MARCHF10: variants seen among roughly 807,000 people sequenced by gnomAD.
MARCHF10 encodes the protein probable E3 ubiquitin-protein ligase MARCHF10.
A neutral mutation model predicts 76.2 loss-of-function variants in MARCHF10; 64 were observed. That is an observed-to-expected ratio of 0.84 (90% CI 0.69 to 1.03). MARCHF10 has a LOEUF of 1.03. Among genes scored for constraint, MARCHF10 ranks in the 50% least tolerant of loss-of-function variants. MARCHF10 has a pLI of 0.00. For missense variants in MARCHF10, 875 were observed against 958.0 expected (o/e 0.91, Z 1.14); for synonymous variants, 340 against 357.5 (o/e 0.95, Z 0.55).
At position 62,735,966 on chromosome 17, in the gene MARCHF10, C is replaced by T. The variant is rs749649949; in HGVS notation, c.1902G>A (p.Lys634=). 1.9e-6 allele frequency: 3 copies of T among 1,612,788 alleles called. No individual in the cohort carries two copies. Among genetic ancestry groups the T allele is most frequent in the South Asian group, 2.2e-5 (2 of 90,536 alleles). The change falls in exon 6 of 11, where the codon AAG becomes AAA. Residue 634 remains lysine, a synonymous_variant. Transcript: ENST00000311269. ...ATTTCTTGAGTTTCTCAGGGTCTGCCTTTATCTTACTGGTTTCCTTTTCAT... is the reference window on the plus strand; with the variant it reads ...ATTTCTTGAGTTTCTCAGGGTCTGCTTTTATCTTACTGGTTTCCTTTTCAT... The part of the protein sequence containing the change: ...FTDEKETSKI[K]ADPEKLKKLQ...
intron 1 of MARCHF10, among the ~76,000 whole-genome samples, chr17:62,802,307 C>T (rs1007122488): frequency 6.6e-6 from 1 of 152,126 alleles, no homozygotes; most frequent in Non-Finnish European, 1.5e-5. Context: ...GCAACCTCCG[C>T]CTCCCGGGTT....
chr17:62,701,736 A>C lies in MARCHF10; in HGVS notation c.2394T>G (p.Asn798Lys). Residue 798 changes from asparagine to lysine, a missense_variant, in exon 11 of 11, where the codon AAT (asparagine) becomes AAG (lysine). Transcript: ENST00000311269. ...CCTGGCTTTGAGAAATGCTGCCTTC[A>C]TTTCCATCTCCCAACTCCGAATCTG... is the stretch of plus-strand genomic sequence containing the variant. The part of the protein sequence containing the change: ...ENENSELGDG[N>K]EGSISQSQVV 1 of 1,614,144 alleles carries C rather than the reference A, an allele frequency of 6.2e-7. No homozygotes were observed. The highest frequency in any genetic ancestry group is 2.2e-5 in the East Asian group (1 of 44,884).
Position 62,705,375 on chromosome 17 carries a change from C to T in MARCHF10, c.2371+164G>A, listed in dbSNP as rs1314977035. On this transcript the variant is annotated intron_variant, in intron 10 of 10. Coordinates refer to ENST00000311269, the MANE Select transcript of MARCHF10 (RefSeq NM_152598.4). ...CATCCAGTGAACTTGGCCTCGCCTT[C>T]CTGATTGTTTGCTGCGGCTGACTTT... 5 of 1,531,616 alleles carry T rather than the reference C, an allele frequency of 3.3e-6. No individual in the cohort carries two copies. In the African/African-American group the frequency reaches 5.6e-5, roughly 17 times the overall value. The allele number at this position is 1,531,616 out of a possible 1,614,324, so 94.9% of individuals were successfully genotyped here.
At chr17:62,742,036 TG>T (rs2091533120) in intron 5 of MARCHF10, among the ~76,000 whole-genome samples, 1 of 149,816 alleles carries the variant, frequency 6.7e-6, no homozygotes, top group Admixed American at 6.7e-5. Context: ...TTTTTTTTTT[TG>T]AGATGGAGTC....
At chr17:62,749,799 G>C (rs536833069) in intron 4 of MARCHF10, among the ~76,000 whole-genome samples, 17 of 152,210 alleles carry the variant, frequency 1.1e-4, no homozygotes, top group Non-Finnish European at 4.4e-5. Context: ...ATGGGTTTTG[G>C]TTCCAGTGTG....
In MARCHF10 at chr17:62,774,837, C is replaced by T. The variant is rs1393280385; in HGVS notation, c.210+13643G>A. 1.3e-4 allele frequency among the ~76,000 whole-genome samples: 20 copies of T among 151,990 alleles called. No homozygotes were observed. The East Asian group carries it at 1.4e-3, about 10-fold the overall frequency. On this transcript the variant is annotated intron_variant, in intron 3 of 10. Transcript: ENST00000311269. ...TTGGGAGGCTGAGGTGAGTGGATCA[C>T]GAGGTCAGGAGTTCGAGACCAGCCT...
At chr17:62,796,924 T>C (rs1435405364) in intron 2 of MARCHF10, among the ~76,000 whole-genome samples, 1 of 151,842 alleles carries the variant, frequency 6.6e-6, no homozygotes, top group Non-Finnish European at 1.5e-5. Flanking sequence ...GGCTGAGAGG[T>C]TGAGGCTGCA....
At chr17:62,804,999 A>G (rs1398210998) in intron 1 of MARCHF10, 2 of 152,182 alleles carry the variant, frequency 1.3e-5, no homozygotes, top group Non-Finnish European at 2.9e-5. Flanking sequence ...ATGGTGACCC[A>G]GCGTCTGGTC....
rs1469747333 is a variant in MARCHF10, at chr17:62,801,660, C to T, written c.76G>A (p.Asp26Asn). The change falls in exon 2 of 11, where the codon GAC becomes AAC. Residue 26 changes from aspartate (D) to asparagine (N), a missense_variant. Transcript: ENST00000311269. ...TCTGCAATTACCTGATACTCAGAGT[C>T]CACCTTATGCTGCATGTCCCGCAGA... The part of the protein sequence containing the change: ...QYLRDMQHKV[D>N]SEYQACLRRQ... 1.8e-5 allele frequency: 29 copies of T among 1,613,884 alleles called. No individual in the cohort carries two copies. The highest frequency in any genetic ancestry group is 2.2e-5 in the Non-Finnish European group (26 of 1,179,944).
chr17:62,791,889 C>CA (rs1160027355), intron 2 of MARCHF10, among the ~76,000 whole-genome samples: 3 of 152,088 alleles, frequency 2.0e-5, no homozygotes, highest in Non-Finnish European at 4.4e-5. Context: ...ATCCATGGGT[C>CA]AGGAGAGGAA....
chr17:62,751,489 A>C (rs2091896660), intron 4 of MARCHF10, among the ~76,000 whole-genome samples: 1 of 152,186 alleles, frequency 6.6e-6, no homozygotes, highest in Non-Finnish European at 1.5e-5. Context: ...AAAAGCAAGG[A>C]TCTGAGACAG....
At chr17:62,722,417 G>T in intron 8 of MARCHF10, 71 bp downstream of exon 8, 1 of 1,043,516 alleles carries the variant, frequency 9.6e-7, no homozygotes, top group South Asian at 1.4e-5. Context: ...GATCAGGGAA[G>T]GGGAATGTCT....
Position 62,705,579 on chromosome 17 carries a change from C to T in MARCHF10, c.2331G>A (p.Leu777=), listed in dbSNP as rs960798733. The T allele has an allele frequency of 8.7e-6, 14 of 1,613,998 alleles. No homozygotes were observed. The highest frequency in any genetic ancestry group is 6.6e-5 in the South Asian group (6 of 91,066). Residue 777 remains leucine, a splice_region_variant and synonymous_variant, in exon 10 of 11, where the codon TTG becomes TTA. Coordinates refer to ENST00000311269, the MANE Select transcript of MARCHF10 (RefSeq NM_152598.4). ...TTCTGGGTTGTGGGTAATTTCTTGA[C>T]AACTACAAGAAAGAAGACAATGAGA... The part of the protein sequence containing the change: ...LNHNQVERER[L]SRNYPQPRTE...
At chr17:62,740,396 G>T (rs2091463059) in intron 5 of MARCHF10, among the ~76,000 whole-genome samples, 1 of 152,128 alleles carries the variant, frequency 6.6e-6, no homozygotes, top group African/African-American at 2.4e-5. Flanking sequence ...CGACTTCTTG[G>T]TGTGCTTGAC....
At chr17:62,745,337 C>A (rs2091666626) in intron 4 of MARCHF10, among the ~76,000 whole-genome samples, 1 of 152,056 alleles carries the variant, frequency 6.6e-6, no homozygotes, top group Non-Finnish European at 1.5e-5. Flanking sequence ...GTCCTGACCT[C>A]AAGTGATCTA....
chr17:62,735,043 T>G (rs760387102), intron 6 of MARCHF10: 1 of 152,246 alleles, frequency 6.6e-6, no homozygotes, highest in Non-Finnish European at 1.5e-5. Flanking sequence ...ACTTCATTAC[T>G]GGAGTTGGAT....
At position 62,744,488 on chromosome 17, in the gene MARCHF10, T is replaced by G. The variant is rs1220237019; in HGVS notation, c.423A>C (p.Pro141=). The G allele has an allele frequency of 6.2e-7, 1 of 1,614,220 alleles. No homozygotes were observed. Among genetic ancestry groups the G allele is most frequent in the Admixed American group, 1.7e-5 (1 of 60,028 alleles). ...GGCTGACTGTAAATCTCCTCAGGTT[T>G]GGCTTCCTCTTTCTTAATAAAACCA... ...APMVLLRKRK[P]NLRRFTVSPE... The change falls in exon 5 of 11, where the codon CCA becomes CCC. Residue 141 remains proline, a synonymous_variant. Coordinates refer to ENST00000311269, the MANE Select transcript of MARCHF10 (RefSeq NM_152598.4).
rs1246032512 is a variant in MARCHF10, at chr17:62,793,742, AACCACCACCACCTCCATC to A, written c.91-5161_91-5144del. On this transcript the variant is annotated intron_variant, in intron 2 of 10. Transcript: ENST00000311269. ...CTCCATCACCACCACCGCCTCCATC[AACCACCACCACCTCCATC>A]ACCACCACCACCTCCATCAGCACCA... Among the ~76,000 whole-genome samples, 15 of 95,992 alleles carry A rather than the reference AACCACCACCACCTCCATC, an allele frequency of 1.6e-4. No homozygotes were observed. The South Asian group carries it at 2.7e-3, about 17-fold the overall frequency. The allele number at this position is 95,992 out of a possible 152,430, so 63.0% of individuals were successfully genotyped here. A position where few individuals can be genotyped will look rare whatever the true frequency, so the allele number is the denominator to read the frequency against.
intron 3 of MARCHF10, among the ~76,000 whole-genome samples, chr17:62,779,241 T>C (rs891703383): frequency 2.0e-5 from 3 of 152,124 alleles, no homozygotes; most frequent in African/African-American, 7.2e-5. Flanking sequence ...AGCGTGTGCA[T>C]GCGCGACCTG....
Sources: allele counts gnomAD v4.1 joint callset (sites outside exome capture counted in the v4.1 genomes callset), GRCh38; gene constraint gnomAD v4.1.1; transcripts MANE v1.5; gene names NCBI Gene and HGNC (gene_info 2026-07-23, HGNC 2026-07-21).